The following HEMK1 variants were observed in gnomAD, a reference collection of about 807,000 sequenced individuals.
HEMK1 encodes the protein HemK methyltransferase 1, mitochondrial release factors N(5)-glutamine.
A neutral mutation model predicts 47.9 loss-of-function variants in HEMK1; 36 were observed. The ratio of observed to expected loss-of-function variants is 0.75; its 90% CI spans 0.58 to 0.99. HEMK1 has a LOEUF of 0.99. Among genes scored for constraint, HEMK1 ranks in the 50% least tolerant of loss-of-function variants. The pLI is 0.00. For synonymous variants in HEMK1, 153 were observed against 165.4 expected (o/e 0.93, Z 0.57); for missense variants, 383 against 434.5 (o/e 0.88, Z 1.05).
At chr3:50,577,248 G>T in intron 5 of HEMK1, 62 bp downstream of exon 5, 1 of 1,546,302 alleles carries the variant, frequency 6.5e-7, no homozygotes, top group Non-Finnish European at 8.8e-7. Context: ...TCCCATTAGT[G>T]CTTCCCCCAC....
At chr3:50,574,692 C>T (rs1701379222) in intron 4 of HEMK1, among the ~76,000 whole-genome samples, 1 of 152,208 alleles carries the variant, frequency 6.6e-6, no homozygotes. Flanking sequence ...ACTGCTCACT[C>T]TGTACCTGGC....
Position 50,588,359 on chromosome 3 carries a change from A to G in HEMK1, c.*7942A>G, listed in dbSNP as rs1255152290. ...CACAGCCAGCAGCTGGCCATGCTGGAGTTTGAACCTAGTCCTCTGACATCC... is the reference window on the plus strand; with the variant it reads ...CACAGCCAGCAGCTGGCCATGCTGGGGTTTGAACCTAGTCCTCTGACATCC... On this transcript the variant is annotated 3_prime_UTR_variant, in exon 11 of 11. Coordinates refer to ENST00000232854, the MANE Select transcript of HEMK1 (RefSeq NM_016173.5). The G allele has an allele frequency of 6.6e-6, 1 of 152,224 alleles. No homozygotes were observed. Among genetic ancestry groups the G allele is most frequent in the Admixed American group, 6.5e-5 (1 of 15,282 alleles). 9.4% of individuals were successfully genotyped at this position (152,224 alleles called of 1,614,324 possible).
chr3:50,593,671 C>T lies in HEMK1; in HGVS notation c.*13254C>T, dbSNP rs998421059. 1 of 152,000 alleles carries T rather than the reference C, an allele frequency of 6.6e-6. No individual in the cohort carries two copies. The highest frequency in any genetic ancestry group is 1.5e-5 in the Non-Finnish European group (1 of 68,018). The allele number at this position is 152,000 out of a possible 1,614,324, so 9.4% of individuals were successfully genotyped here. A position where few individuals can be genotyped will look rare whatever the true frequency, so the allele number is the denominator to read the frequency against. On this transcript the variant is annotated 3_prime_UTR_variant, in exon 11 of 11. Coordinates refer to ENST00000232854, the MANE Select transcript of HEMK1 (RefSeq NM_016173.5). ...CTCTTACAAGATGTGCTTGTTGTTG[C>T]TTCTCTTGGATTTTCTACATTGACA...
In HEMK1 at chr3:50,571,792, G is replaced by C. The variant is rs1282252128; in HGVS notation, c.311G>C (p.Arg104Pro). The C allele has an allele frequency of 6.2e-7, 1 of 1,613,918 alleles. No homozygotes were observed. Among genetic ancestry groups the C allele is most frequent in the South Asian group, 1.1e-5 (1 of 91,088 alleles). ...LQCIRELSSR[R>P]LQRMPVQYIL... The stretch of plus-strand genomic sequence containing the variant: ...TGTATCCGGGAGCTGAGTAGCCGTC[G>C]ATTGCAGAGGTGAGCACCCATGGAT... Residue 104 changes from arginine to proline, a missense_variant, in exon 3 of 11, where the codon CGA becomes CCA. Physicochemically the swap from Arg to Pro is moderately radical, Grantham distance 103. Transcript: ENST00000232854.
chr3:50,574,858 G>A (rs1701394485), intron 4 of HEMK1, among the ~76,000 whole-genome samples: 1 of 152,218 alleles, frequency 6.6e-6, no homozygotes, highest in African/African-American at 2.4e-5. Context: ...AAGAGGCTTG[G>A]AACATGGAGG....
Position 50,585,826 on chromosome 3 carries a change from C to A in HEMK1, c.*5409C>A, listed in dbSNP as rs903975479. 1 of 152,226 alleles carries A rather than the reference C, an allele frequency of 6.6e-6. No individual in the cohort carries two copies. Among genetic ancestry groups the A allele is most frequent in the Non-Finnish European group, 1.5e-5 (1 of 68,052 alleles). The allele number at this position is 152,226 out of a possible 1,614,324, so 9.4% of individuals were successfully genotyped here. A position where few individuals can be genotyped will look rare whatever the true frequency, so the allele number is the denominator to read the frequency against. On this transcript the variant is annotated 3_prime_UTR_variant, in exon 11 of 11. Transcript: ENST00000232854. ...TTTTCCCAGAGAGGGATGGGGCTTACTTGAAGTAACACAGCACTTGACTCC... is the reference window on the plus strand; with the variant it reads ...TTTTCCCAGAGAGGGATGGGGCTTAATTGAAGTAACACAGCACTTGACTCC...
chr3:50,595,514 T>C lies in HEMK1; in HGVS notation c.*15097T>C, dbSNP rs1383076394. 1 of 152,218 alleles carries C rather than the reference T, an allele frequency of 6.6e-6. No homozygotes were observed. The highest frequency in any genetic ancestry group is 6.5e-5 in the Admixed American group (1 of 15,280). The allele number at this position is 152,218 out of a possible 1,614,324, so 9.4% of individuals were successfully genotyped here. ...CTGCCCAGGTGGGAGATGTTATCTT[T>C]AGTATACGGGACAATAAAATCTGCC... On this transcript the variant is annotated 3_prime_UTR_variant, in exon 11 of 11. Transcript: ENST00000232854.
rs2030688500 is a variant in HEMK1 at position 50,580,696 on chromosome 3, C to T, written c.*279C>T. 1.9e-6 allele frequency: 1 copy of T among 515,138 alleles called. No individual in the cohort carries two copies. Among genetic ancestry groups the T allele is most frequent in the Admixed American group, 3.6e-5 (1 of 28,018 alleles). The allele number at this position is 515,138 out of a possible 1,614,324, so 31.9% of individuals were successfully genotyped here. On this transcript the variant is annotated 3_prime_UTR_variant, in exon 11 of 11. Transcript: ENST00000232854. ...AACAAATGGTGACCTAATGTTTTGT[C>T]CATGACTTGCAGGTCCCCTGACCCC...
chr3:50,576,969 A>G (rs1701657627), intron 4 of HEMK1, 83 bp from the exon 5 acceptor site: 24 of 1,531,474 alleles, frequency 1.6e-5, no homozygotes, highest in Non-Finnish European at 2.0e-5. Context: ...TACGTTCACA[A>G]GGGTAACTGC....
At position 50,588,459 on chromosome 3, in the gene HEMK1, G is replaced by A. The variant is rs2031526151; in HGVS notation, c.*8042G>A. 6.6e-6 allele frequency: 1 copy of A among 152,266 alleles called. No individual in the cohort carries two copies. Among genetic ancestry groups the A allele is most frequent in the Non-Finnish European group, 1.5e-5 (1 of 68,066 alleles). The allele number at this position is 152,266 out of a possible 1,614,324, so 9.4% of individuals were successfully genotyped here. ...CCTCAACCCCCCAGAGGGGCCTCAG[G>A]AGCCAGTTAGGTGCCCCACAGCCAA... On this transcript the variant is annotated 3_prime_UTR_variant, in exon 11 of 11. Coordinates refer to ENST00000232854, the MANE Select transcript of HEMK1 (RefSeq NM_016173.5).
In HEMK1 at chr3:50,571,072, C is replaced by G. The variant is rs1461812786; in HGVS notation, c.-33C>G. Reference sequence around the variant, plus strand: ...GACATCATAAAGCAGACTTGGGAACCTGGAAGCACTCTGGAGAACCTTTCC... The same window carrying G: ...GACATCATAAAGCAGACTTGGGAACGTGGAAGCACTCTGGAGAACCTTTCC... On this transcript the variant is annotated 5_prime_UTR_variant, in exon 2 of 11. Coordinates refer to ENST00000232854, the MANE Select transcript of HEMK1 (RefSeq NM_016173.5). 8.6e-6 allele frequency: 13 copies of G among 1,513,942 alleles called. No homozygotes were observed. The East Asian group carries it at 3.0e-4, about 35-fold the overall frequency. 93.8% of individuals were successfully genotyped at this position (1,513,942 alleles called of 1,614,324 possible).
intron 3 of HEMK1, 60 bp downstream of exon 3, chr3:50,571,861 C>G (rs1330668264): frequency 6.6e-7 from 1 of 1,519,252 alleles, no homozygotes; most frequent in Non-Finnish European, 9.1e-7. Flanking sequence ...CCAGCCTCCC[C>G]TATCCCCACC....
rs1182922879 is a variant in HEMK1, at chr3:50,572,181, A to G, written c.387A>G (p.Pro129=). 1.2e-6 allele frequency: 2 copies of G among 1,613,802 alleles called. No individual in the cohort carries two copies. The highest frequency in any genetic ancestry group is 1.7e-6 in the Non-Finnish European group (2 of 1,179,924). Residue 129 remains proline, a synonymous_variant, in exon 4 of 11, where the codon CCA becomes CCG. Transcript: ENST00000232854. ...FQGLSLRMVP[P]VFIPRPETEE... ...GGCTCAGCCTAAGGATGGTGCCCCC[A>G]GTGTTTATTCCTCGGCCAGAAACAG...
chr3:50,571,073 T>C lies in HEMK1; in HGVS notation c.-32T>C, dbSNP rs1183118505. On this transcript the variant is annotated 5_prime_UTR_variant, in exon 2 of 11. Transcript: ENST00000232854. ...ACATCATAAAGCAGACTTGGGAACC[T>C]GGAAGCACTCTGGAGAACCTTTCCC... The C allele has an allele frequency of 1.3e-6, 2 of 1,519,144 alleles. No homozygotes were observed. Among genetic ancestry groups the C allele is most frequent in the Non-Finnish European group, 1.8e-6 (2 of 1,122,174 alleles). 94.1% of individuals were successfully genotyped at this position (1,519,144 alleles called of 1,614,324 possible).
In HEMK1 at chr3:50,581,415, C is replaced by T. The variant is rs1157980306; in HGVS notation, c.*998C>T. On this transcript the variant is annotated 3_prime_UTR_variant, in exon 11 of 11. Coordinates refer to ENST00000232854, the MANE Select transcript of HEMK1 (RefSeq NM_016173.5). ...CATTCCACTAGACTGCCCCCTGCCA[C>T]CCTGGCACTTCCCAGGGCCTGGCAG... 3 of 152,264 alleles carry T rather than the reference C, an allele frequency of 2.0e-5. No homozygotes were observed. The highest frequency in any genetic ancestry group is 4.8e-5 in the African/African-American group (2 of 41,454). 9.4% of individuals were successfully genotyped at this position (152,264 alleles called of 1,614,324 possible).
chr3:50,580,228 A>T lies in HEMK1; in HGVS notation c.979A>T (p.Arg327Trp), dbSNP rs749734545. ...GGCTGTGCGCAGGGACTTCTGTGGG[A>T]GGTAAGATCCTAGCCCCCTTTAGCC... ...LVAVRRDFCG[R>W]PRFLHIRRSG... The change falls in exon 10 of 11, where the codon AGG becomes TGG. Residue 327 changes from arginine to tryptophan, a missense_variant and splice_region_variant. By Grantham distance (101) the Arg-to-Trp change is moderately radical (BLOSUM62 -3). Transcript: ENST00000232854. The T allele has an allele frequency of 9.3e-6, 15 of 1,613,608 alleles. No individual in the cohort carries two copies. In the East Asian group the frequency reaches 3.1e-4, roughly 34 times the overall value.
rs1700927543 is a variant in HEMK1, at chr3:50,571,325, C to T, written c.221C>T (p.Ala74Val). 6.3e-7 allele frequency: 1 copy of T among 1,586,540 alleles called. No homozygotes were observed. The highest frequency in any genetic ancestry group is 1.3e-5 in the African/African-American group (1 of 74,120). The change falls in exon 2 of 11, where the codon GCC becomes GTC. Residue 74 changes from alanine to valine, a missense_variant. Coordinates refer to ENST00000232854, the MANE Select transcript of HEMK1 (RefSeq NM_016173.5). ...SEYIVAHVLG[A>V]KTFQSLRPAL... ...TACATCGTGGCTCATGTCCTTGGAG[C>T]CAAAACAGTTAAGTTTAGTGTTGTC...
intron 3 of HEMK1, 114 bp from the exon 4 acceptor site, chr3:50,572,001 C>T: frequency 1.3e-6 from 2 of 1,536,420 alleles, no homozygotes; most frequent in Admixed American, 3.8e-5. Flanking sequence ...GTCCCAAGGC[C>T]CTGGAGACAT....
intron 4 of HEMK1, among the ~76,000 whole-genome samples, chr3:50,573,334 G>A (rs571174256): frequency 6.6e-6 from 1 of 152,336 alleles, no homozygotes; most frequent in East Asian, 1.9e-4. Context: ...CCCAGAGCAG[G>A]GTGTGGCCTG....
Sources: allele counts gnomAD v4.1 joint callset (sites outside exome capture counted in the v4.1 genomes callset), GRCh38; gene constraint gnomAD v4.1.1; transcripts MANE v1.5; gene names NCBI Gene and HGNC (gene_info 2026-07-23, HGNC 2026-07-21).